The following USP14 variants were observed in gnomAD, a reference collection of about 807,000 sequenced individuals.
USP14 encodes ubiquitin specific peptidase 14.
A neutral mutation model predicts 76.5 loss-of-function variants in USP14; 38 were observed. That is an observed-to-expected ratio of 0.50 (90% CI 0.38 to 0.65). The LOEUF (loss-of-function observed/expected upper bound fraction) is 0.65, where lower values mean the gene tolerates loss of function less well. Ranked by LOEUF, USP14 falls within the 30% of genes least tolerant of loss-of-function variation. USP14 has a pLI of 0.00. For missense variants in USP14, 467 were observed against 586.5 expected (o/e 0.80, Z 2.10); for synonymous variants, 192 against 191.7 (o/e 1.00, Z -0.01).
chr18:177,503 A>G (rs7241651), intron 3 of USP14, among the ~76,000 whole-genome samples: 1,909 of 151,696 alleles, frequency 0.013, 41 homozygotes, highest in African/African-American at 0.043. Context: ...TAAAATGTCT[A>G]TGTAGAAATA....
chr18:164,614 C>A (rs140376024), intron 2 of USP14, among the ~76,000 whole-genome samples: 2 of 151,874 alleles, frequency 1.3e-5, no homozygotes, highest in African/African-American at 2.4e-5. Context: ...CCACCATGCC[C>A]GGCTAATTTT....
At chr18:198,263 G>A in intron 9 of USP14, 131 bp downstream of exon 9, 1 of 750,422 alleles carries the variant, frequency 1.3e-6, no homozygotes, top group South Asian at 3.1e-5. Flanking sequence ...TTGAGACGGA[G>A]TTTCGCTCTT....
rs1409755116 is a variant in USP14, at chr18:179,056, T to A, written c.300+19T>A. On this transcript the variant is annotated intron_variant, in intron 4 of 15. Transcript: ENST00000261601. ...ATCTGCTGTAAGACACACCAGATTTTATGTGTTTGATCACTACTTTTTGAA... is the reference window on the plus strand; with the variant it reads ...ATCTGCTGTAAGACACACCAGATTTAATGTGTTTGATCACTACTTTTTGAA... 6.4e-7 allele frequency: 1 copy of A among 1,556,786 alleles called. No individual in the cohort carries two copies. Among genetic ancestry groups the A allele is most frequent in the South Asian group, 1.2e-5 (1 of 84,958 alleles).
chr18:187,521 A>G (rs766266096), intron 5 of USP14, among the ~76,000 whole-genome samples: 1 of 152,150 alleles, frequency 6.6e-6, no homozygotes, highest in East Asian at 1.9e-4. Flanking sequence ...GGATAAATTG[A>G]CATTTTTGCA....
At chr18:199,610 G>T (rs534351067) in intron 10 of USP14, among the ~76,000 whole-genome samples, 1 of 152,280 alleles carries the variant, frequency 6.6e-6, no homozygotes, top group East Asian at 1.9e-4. Flanking sequence ...CAAGCACAGG[G>T]CTGAGTGCTG....
chr18:203,759 G>A (rs1162526950), intron 12 of USP14, among the ~76,000 whole-genome samples: 3 of 151,992 alleles, frequency 2.0e-5, no homozygotes, highest in African/African-American at 4.8e-5. Context: ...ACAGGCGCCC[G>A]CCACCGTGCC....
intron 13 of USP14, among the ~76,000 whole-genome samples, chr18:205,818 A>G (rs1290092133): frequency 6.6e-6 from 1 of 152,112 alleles, no homozygotes; most frequent in Non-Finnish European, 1.5e-5. Context: ...AAACTCTTCC[A>G]CTTTTTAATA....
At chr18:161,216 C>T (rs1339175513) in intron 1 of USP14, among the ~76,000 whole-genome samples, 2 of 152,318 alleles carry the variant, frequency 1.3e-5, no homozygotes, top group South Asian at 4.1e-4. Flanking sequence ...GCATGAGCCA[C>T]CATTCCCGGC....
In USP14 at chr18:202,914, C is replaced by T. The variant is rs1405221665; in HGVS notation, c.911C>T (p.Thr304Met). 3 of 1,614,112 alleles carry T rather than the reference C, an allele frequency of 1.9e-6. No individual in the cohort carries two copies. Among genetic ancestry groups the T allele is most frequent in the South Asian group, 2.2e-5 (2 of 91,076 alleles). Residue 304 changes from threonine (T) to methionine (M), a missense_variant, in exon 11 of 16, where the codon ACG becomes ATG. Coordinates refer to ENST00000261601, the MANE Select transcript of USP14 (RefSeq NM_005151.4). The part of the protein sequence containing the change: ...LQEEITKQSP[T>M]LQRNALYIKS... ...GAAGAAATCACCAAACAGTCTCCAACGTTGCAAAGAAATGCCTTGTATATC... is the reference window on the plus strand; with the variant it reads ...GAAGAAATCACCAAACAGTCTCCAATGTTGCAAAGAAATGCCTTGTATATC...
In USP14 at chr18:212,991, A is replaced by C. The variant is rs1232311900; in HGVS notation, c.*1707A>C. 4 of 152,234 alleles carry C rather than the reference A, an allele frequency of 2.6e-5. No individual in the cohort carries two copies. Among genetic ancestry groups the C allele is most frequent in the Non-Finnish European group, 5.9e-5 (4 of 68,042 alleles). The allele number at this position is 152,234 out of a possible 1,614,324, so 9.4% of individuals were successfully genotyped here. ...AACACTAGGAGGGGATAAAATAAGCATTGCAGGGAAACTTATTTGTAAATA... is the reference window on the plus strand; with the variant it reads ...AACACTAGGAGGGGATAAAATAAGCCTTGCAGGGAAACTTATTTGTAAATA... On this transcript the variant is annotated 3_prime_UTR_variant, in exon 16 of 16. Coordinates refer to ENST00000261601, the MANE Select transcript of USP14 (RefSeq NM_005151.4).
At chr18:179,613 G>A (rs1909727932) in intron 4 of USP14, among the ~76,000 whole-genome samples, 1 of 144,948 alleles carries the variant, frequency 6.9e-6, no homozygotes, top group Non-Finnish European at 1.5e-5. Context: ...CTTGAGATGG[G>A]GTCTTGCTCT....
chr18:158,913 TCC>T, intron 1 of USP14, 199 bp downstream of exon 1: 1 of 810,518 alleles, frequency 1.2e-6, no homozygotes, highest in Non-Finnish European at 1.7e-6. Flanking sequence ...GGGAGCGCCG[TCC>T]CCCTGAGCCA....
intron 3 of USP14, among the ~76,000 whole-genome samples, chr18:173,284 ATTT>A (rs567977635): frequency 3.7e-4 from 54 of 146,542 alleles, no homozygotes; most frequent in African/African-American, 9.8e-4. Flanking sequence ...TTTTTTTTGT[ATTT>A]TTTTTAGTAG....
chr18:199,222 A>T lies in USP14; in HGVS notation c.782A>T (p.Glu261Val). ...FETTMKCTES[E>V]EEEVTKGKEN... The stretch of plus-strand genomic sequence containing the variant: ...CAAAGCATGAAATGTACAGAATCTG[A>T]AGAAGAAGAAGTCACCAAAGGAAAG... The change falls in exon 10 of 16, where the codon GAA (glutamate) becomes GTA (valine). Residue 261 changes from glutamate (E) to valine (V), a missense_variant. Physicochemically the swap from Glu to Val is moderately radical, Grantham distance 121. Coordinates refer to ENST00000261601, the MANE Select transcript of USP14 (RefSeq NM_005151.4). The T allele has an allele frequency of 6.2e-7, 1 of 1,609,078 alleles. No homozygotes were observed. Among genetic ancestry groups the T allele is most frequent in the Non-Finnish European group, 8.5e-7 (1 of 1,176,098 alleles).
At chr18:214,625 GCTAA>G (rs756388947) in exon 16 of USP14, 11 of 1,585,852 alleles carry the variant, frequency 6.9e-6, no homozygotes, top group Admixed American at 1.8e-5. Flanking sequence ...AAAAAAAGAA[GCTAA>G]CTATTTGTCT....
chr18:210,103 C>T, intron 14 of USP14, 72 bp downstream of exon 14: 1 of 1,206,858 alleles, frequency 8.3e-7, no homozygotes, highest in Non-Finnish European at 1.2e-6. Flanking sequence ...CATCTTACCC[C>T]ATATTTACTT....
Position 163,290 on chromosome 18 carries a change from T to G in USP14, c.17-18T>G. 1 of 1,581,016 alleles carries G rather than the reference T, an allele frequency of 6.3e-7. No homozygotes were observed. The highest frequency in any genetic ancestry group is 8.6e-7 in the Non-Finnish European group (1 of 1,162,726). On this transcript the variant is annotated intron_variant, in intron 1 of 15. Transcript: ENST00000261601. ...TCTTGTTATTTTTTAATTAAAAAAA[T>G]TGTGATTTTGTTTGCAGTTACTGTA...
intron 4 of USP14, 72 bp from the exon 5 acceptor site, chr18:180,164 T>G: frequency 1.3e-6 from 1 of 747,038 alleles, no homozygotes; most frequent in South Asian, 2.2e-5. Context: ...ATTTTAGTGA[T>G]TTATATATGC....
In USP14 at chr18:180,329, GC is replaced by G; in HGVS notation, c.397del (p.Arg135GlyfsTer6). ...TCGTTCTGTGCCTGAACTCAAAGAT[GC>G]CCTTAAAAGGTAAGACTGCAGTCTT... is the stretch of plus-strand genomic sequence containing the variant. The part of the protein sequence containing the change: ...CIRSVPELKD[A>X]LKRYAGALRA... On this transcript the variant is annotated frameshift_variant, in exon 5 of 16. Transcript: ENST00000261601. LOFTEE classifies it high-confidence loss of function. The G allele has an allele frequency of 6.3e-7, 1 of 1,588,964 alleles. No homozygotes were observed. Among genetic ancestry groups the G allele is most frequent in the Non-Finnish European group, 8.5e-7 (1 of 1,172,930 alleles).
Sources: allele counts gnomAD v4.1 joint callset (sites outside exome capture counted in the v4.1 genomes callset), GRCh38; gene constraint gnomAD v4.1.1; transcripts MANE v1.5; gene names NCBI Gene and HGNC (gene_info 2026-07-23, HGNC 2026-07-21).